Variants in C5 observed in about 807,000 individuals in gnomAD.
C5 encodes C3 and PZP-like alpha-2-macroglobulin domain-containing protein 4.
Under a neutral mutation model 218.8 loss-of-function variants are expected in C5, and 140 were observed. The ratio of observed to expected loss-of-function variants is 0.64; its 90% CI spans 0.56 to 0.74. The LOEUF (loss-of-function observed/expected upper bound fraction) is 0.74. C5 is among the 30% of genes least tolerant of loss of function. The pLI is 0.00. For missense variants in C5, 1,700 were observed against 1,969.6 expected (o/e 0.86, Z 2.59); for synonymous variants, 614 against 682.3 (o/e 0.90, Z 1.56).
intron 7 of C5, 113 bp downstream of exon 7, chr9:121,030,284 A>G (rs1189887510): frequency 1.6e-6 from 1 of 625,632 alleles, no homozygotes; most frequent in Non-Finnish European, 2.8e-6. Context: ...TCCCCAAATC[A>G]TGGCACACTT....
At chr9:120,964,412 G>A (rs534235320) in intron 33 of C5, among the ~76,000 whole-genome samples, 4 of 152,282 alleles carry the variant, frequency 2.6e-5, no homozygotes, top group East Asian at 3.9e-4. Flanking sequence ...GTTGCAGTGC[G>A]CCGAGATCGC....
At chr9:121,032,544 C>T (rs7044008) in intron 5 of C5, among the ~76,000 whole-genome samples, 1,919 of 152,120 alleles carry the variant, frequency 0.013, 43 homozygotes, top group African/African-American at 0.044. Context: ...ATCCAAAATA[C>T]AGTACAAAAT....
At chr9:120,983,436 G>A (rs2047010188) in intron 25 of C5, among the ~76,000 whole-genome samples, 2 of 152,016 alleles carry the variant, frequency 1.3e-5, no homozygotes, top group African/African-American at 4.8e-5. Context: ...TCTCTCAGTC[G>A]CCCAGGAGGC....
rs781733343 is a variant in C5 at position 120,980,120 on chromosome 9, T to G, written c.3621A>C (p.Ser1207=). 1 of 1,613,970 alleles carries G rather than the reference T, an allele frequency of 6.2e-7. No individual in the cohort carries two copies. Among genetic ancestry groups the G allele is most frequent in the Non-Finnish European group, 8.5e-7 (1 of 1,180,006 alleles). ...CTTCTCTCTTCAAAGCTGAAACAAT[T>G]GAACGAAACTGTGGGTGAGTTTTAT... ...LGDKTHPQFR[S]IVSALKREAL... The change falls in exon 28 of 41, where the codon TCA becomes TCC. Residue 1207 remains serine (S), a synonymous_variant. Transcript: ENST00000223642.
intron 8 of C5, 139 bp downstream of exon 8, chr9:121,027,021 G>C (rs1314945647): frequency 4.4e-6 from 3 of 680,778 alleles, no homozygotes; most frequent in Non-Finnish European, 2.7e-6. Context: ...TACCCTAAAG[G>C]CAAAGGGAAG....
intron 20 of C5, among the ~76,000 whole-genome samples, chr9:120,999,146 A>G (rs1046310945): frequency 6.6e-6 from 1 of 152,154 alleles, no homozygotes; most frequent in East Asian, 1.9e-4. Flanking sequence ...AACTTTTGAA[A>G]CTGATAGAAA....
chr9:121,025,728 C>T (rs375078824), intron 8 of C5, 148 bp from the exon 9 acceptor site: 8 of 682,172 alleles, frequency 1.2e-5, no homozygotes, highest in African/African-American at 3.6e-5. Flanking sequence ...ACCGAGTCCA[C>T]GATTAAGCCC....
chr9:121,034,266 A>G (rs548295413), intron 5 of C5, among the ~76,000 whole-genome samples: 2 of 152,208 alleles, frequency 1.3e-5, no homozygotes, highest in South Asian at 2.1e-4. Flanking sequence ...TTTATTTTGT[A>G]TCTCTCCCTC....
upstream of C5, among the ~76,000 whole-genome samples, chr9:121,051,193 G>A (rs1011925635): frequency 2.0e-5 from 3 of 150,958 alleles, no homozygotes; most frequent in Non-Finnish European, 4.4e-5. Flanking sequence ...CACTATCTTG[G>A]CTCAGGGCAA....
chr9:121,064,517 A>C, the C5 span, among the ~76,000 whole-genome samples: 1 of 152,216 alleles, frequency 6.6e-6, no homozygotes, highest in Admixed American at 6.5e-5. Context: ...TATGTGATAG[A>C]ATCTGATATT....
At chr9:120,981,791 T>C in intron 27 of C5, 53 bp downstream of exon 27, 1 of 1,199,672 alleles carries the variant, frequency 8.3e-7, no homozygotes, top group East Asian at 2.3e-5. Context: ...GCCCCTCCAG[T>C]ATATAGTACA....
chr9:121,058,056 T>A, the C5 span, among the ~76,000 whole-genome samples: 2 of 152,212 alleles, frequency 1.3e-5, no homozygotes, highest in Non-Finnish European at 2.9e-5. Flanking sequence ...ACCTGTAAAC[T>A]CCACTGCATT....
chr9:121,018,419 A>G (rs149152260), intron 12 of C5, among the ~76,000 whole-genome samples: 15,860 of 151,220 alleles, frequency 0.1, 875 homozygotes, highest in African/African-American at 0.14. Context: ...ACTAAAAATA[A>G]AAAAATTAGC....
At position 121,020,183 on chromosome 9, in the gene C5, A is replaced by G; in HGVS notation, c.1303-4T>C. On this transcript the variant is annotated splice_region_variant and splice_polypyrimidine_tract_variant and intron_variant, in intron 11 of 40. Coordinates refer to ENST00000223642, the MANE Select transcript of C5 (RefSeq NM_001735.3). The stretch of plus-strand genomic sequence containing the variant: ...GATCTGGAGCATCAGTTTTGACCTG[A>G]AAAGAGAAATTTCAAAAAGACATGT... 6.2e-7 allele frequency: 1 copy of G among 1,611,898 alleles called. No individual in the cohort carries two copies. The highest frequency in any genetic ancestry group is 8.5e-7 in the Non-Finnish European group (1 of 1,177,966).
Position 120,997,636 on chromosome 9 carries a change from GCA to G in C5, c.2699_2700del (p.Val900AlafsTer47). ...GSSSHLVTFT[V>X]LPLEIGLHNI... ...TTGTGAAGGCCAATTTCCAGAGGAA[GCA>G]CAGTGAATGTCACCAAGTGACTGGA... On this transcript the variant is annotated frameshift_variant, in exon 21 of 41. Transcript: ENST00000223642. LOFTEE classifies it high-confidence loss of function. 1.2e-6 allele frequency: 2 copies of G among 1,614,070 alleles called. No homozygotes were observed. Among genetic ancestry groups the G allele is most frequent in the Non-Finnish European group, 1.7e-6 (2 of 1,179,976 alleles).
chr9:121,018,742 AAAGGAAGGAAGGAAGG>A (rs765624136), intron 12 of C5, among the ~76,000 whole-genome samples: 69 of 99,224 alleles, frequency 7.0e-4, no homozygotes, highest in African/African-American at 2.4e-3. Context: ...GGAAGGAAGG[AAAGGAAGGAAGGAAGG>A]AAGGAAGGAA....
chr9:120,997,905 C>T, intron 20 of C5, 131 bp from the exon 21 acceptor site: 1 of 703,926 alleles, frequency 1.4e-6, no homozygotes, highest in South Asian at 1.7e-5. Flanking sequence ...CGGATTCAAG[C>T]AATTCTCCTG....
Position 121,013,914 on chromosome 9 carries a change from C to A in C5, c.2216G>T (p.Arg739Leu), listed in dbSNP as rs1362754826. The change falls in exon 17 of 41, where the codon CGT becomes CTT. Residue 739 changes from arginine (R) to leucine (L), a missense_variant. Physicochemically the swap from Arg to Leu is moderately radical, Grantham distance 102 (BLOSUM62 -2). Coordinates refer to ENST00000223642, the MANE Select transcript of C5 (RefSeq NM_001735.3). ...CATGTCTTTATGAGAGATATTAGCACGGAGCTGGCTTGCGACGACACAACA... is the reference window on the plus strand; with the variant it reads ...CATGTCTTTATGAGAGATATTAGCAAGGAGCTGGCTTGCGACGACACAACA... ...TECCVVASQL[R>L]ANISHKDMQL... is the part of the protein sequence containing the mutation. 6 of 1,614,110 alleles carry A rather than the reference C, an allele frequency of 3.7e-6. No homozygotes were observed. Among genetic ancestry groups the A allele is most frequent in the South Asian group, 2.2e-5 (2 of 91,084 alleles).
At chr9:120,993,114 G>A (rs1295736238) in intron 22 of C5, among the ~76,000 whole-genome samples, 1 of 152,194 alleles carries the variant, frequency 6.6e-6, no homozygotes, top group Non-Finnish European at 1.5e-5. Flanking sequence ...ATGAGATAGT[G>A]CTTTATACCC....
Sources: allele counts gnomAD v4.1 joint callset (sites outside exome capture counted in the v4.1 genomes callset), GRCh38; gene constraint gnomAD v4.1.1; transcripts MANE v1.5; gene names NCBI Gene and HGNC (gene_info 2026-07-23, HGNC 2026-07-21).